IGFBP2: variants seen among roughly 807,000 people sequenced by gnomAD.
IGFBP2 encodes the protein insulin like growth factor binding protein 2, also known as insulin-like growth factor-binding protein 2.
A neutral mutation model predicts 26.2 loss-of-function variants in IGFBP2; 12 were observed. The ratio of observed to expected loss-of-function variants is 0.46; its 90% CI spans 0.29 to 0.74. IGFBP2 has a LOEUF of 0.74. Ranked by LOEUF, IGFBP2 falls within the 30% of genes least tolerant of loss-of-function variation. The pLI is 0.09. For missense variants in IGFBP2, 328 were observed against 441.2 expected (o/e 0.74, Z 2.30); for synonymous variants, 189 against 200.6 (o/e 0.94, Z 0.49).
intron 1 of IGFBP2, among the ~76,000 whole-genome samples, chr2:216,647,664 C>T (rs1020827425): frequency 7.9e-5 from 12 of 152,020 alleles, no homozygotes; most frequent in South Asian, 4.2e-4. Flanking sequence ...GGACTACAGG[C>T]GCCCACCACC....
intron 1 of IGFBP2, among the ~76,000 whole-genome samples, chr2:216,654,306 G>A (rs560554551): frequency 6.6e-6 from 1 of 152,322 alleles, no homozygotes; most frequent in East Asian, 1.9e-4. Flanking sequence ...CTAACCCCAT[G>A]TGTGCCTACT....
intron 1 of IGFBP2, chr2:216,659,841 G>T (rs1697998505): frequency 2.0e-6 from 2 of 989,710 alleles, no homozygotes; most frequent in South Asian, 1.4e-5. Context: ...ACAGACTTGG[G>T]AACGAGGGAA....
intron 1 of IGFBP2, among the ~76,000 whole-genome samples, chr2:216,655,496 C>T (rs943276737): frequency 3.3e-5 from 5 of 152,282 alleles, no homozygotes; most frequent in East Asian, 1.9e-4. Context: ...GCTTCTACCA[C>T]GATTGTGAGT....
chr2:216,647,135 G>A (rs966776381), intron 1 of IGFBP2, among the ~76,000 whole-genome samples: 1 of 152,170 alleles, frequency 6.6e-6, no homozygotes, highest in African/African-American at 2.4e-5. Flanking sequence ...CTCTTGGGAA[G>A]AGCTTGATGT....
At chr2:216,634,037 C>T in intron 1 of IGFBP2, 72 bp downstream of exon 1, 1 of 1,496,586 alleles carries the variant, frequency 6.7e-7, no homozygotes, top group Non-Finnish European at 8.9e-7. Context: ...GCGGCTGGAC[C>T]TTACGGACGG....
rs2106206814 is a variant in IGFBP2 at position 216,660,645 on chromosome 2, C to T, written c.531C>T (p.Gly177=). 1 of 1,614,008 alleles carries T rather than the reference C, an allele frequency of 6.2e-7. No homozygotes were observed. The highest frequency in any genetic ancestry group is 2.2e-5 in the East Asian group (1 of 44,878). ...MNMLGGGGSA[G]RKPLKSGMKE... ...TGTTGGGCGGGGGAGGCAGTGCTGG[C>T]CGGAAGCCCCTCAAGTCGGGTATGA... The change falls in exon 2 of 4, where the codon GGC becomes GGT. Residue 177 remains glycine (G), a synonymous_variant. Transcript: ENST00000233809.
intron 1 of IGFBP2, among the ~76,000 whole-genome samples, chr2:216,639,168 G>A (rs968961237): frequency 1.3e-5 from 2 of 151,978 alleles, no homozygotes; most frequent in African/African-American, 4.8e-5. Context: ...GAGTAGTTGG[G>A]AATTCACGCA....
intron 1 of IGFBP2, among the ~76,000 whole-genome samples, chr2:216,642,764 C>T (rs927618551): frequency 6.6e-6 from 1 of 152,174 alleles, no homozygotes; most frequent in African/African-American, 2.4e-5. Flanking sequence ...AGAGCTTGGA[C>T]ATCTGGGTTC....
chr2:216,639,158 G>A (rs775637123), intron 1 of IGFBP2, among the ~76,000 whole-genome samples: 6 of 151,880 alleles, frequency 4.0e-5, no homozygotes, highest in Admixed American at 1.3e-4. Flanking sequence ...TCAGCCTCCC[G>A]AGTAGTTGGG....
intron 1 of IGFBP2, among the ~76,000 whole-genome samples, chr2:216,659,940 G>A (rs1698001026): frequency 6.6e-6 from 1 of 152,138 alleles, no homozygotes; most frequent in South Asian, 2.1e-4. Context: ...TGACAGCAGG[G>A]GGATGCTGGG....
Position 216,633,579 on chromosome 2 carries a change from C to CGCTGCT in IGFBP2, c.66_71dup (p.Leu24_Leu25dup), listed in dbSNP as rs1697429326. 3.0e-6 allele frequency: 3 copies of CGCTGCT among 1,016,278 alleles called. No individual in the cohort carries two copies. The African/African-American group carries it at 5.2e-5, about 18-fold the overall frequency. 63.0% of individuals were successfully genotyped at this position (1,016,278 alleles called of 1,614,324 possible). ...CCGCTGCCGCCGCCGCCGCTGCTGC[C>CGCTGCT]GCTGCTGCTGCTGCTACTGGGCGCG... On this transcript the variant is annotated inframe_insertion, in exon 1 of 4. Coordinates refer to ENST00000233809, the MANE Select transcript of IGFBP2 (RefSeq NM_000597.3).
chr2:216,651,027 A>G (rs1697811549), intron 1 of IGFBP2, among the ~76,000 whole-genome samples: 1 of 152,122 alleles, frequency 6.6e-6, no homozygotes, highest in Admixed American at 6.6e-5. Context: ...GCCAGCCTAT[A>G]CCGCGACAGA....
intron 2 of IGFBP2, 134 bp from the exon 3 acceptor site, chr2:216,661,724 T>G (rs1242929272): frequency 9.8e-7 from 1 of 1,017,914 alleles, no homozygotes; most frequent in South Asian, 1.4e-5. Context: ...GAAGTCCCTG[T>G]GCCCCCTGCT....
intron 1 of IGFBP2, among the ~76,000 whole-genome samples, chr2:216,658,925 G>C (rs1697974299): frequency 6.6e-6 from 1 of 152,218 alleles, no homozygotes; most frequent in Non-Finnish European, 1.5e-5. Flanking sequence ...TTATTATCCA[G>C]CAACTTACAG....
chr2:216,659,887 G>A, intron 1 of IGFBP2: 1 of 738,808 alleles, frequency 1.4e-6, no homozygotes, highest in Non-Finnish European at 2.4e-6. Flanking sequence ...CCTCGGAGCA[G>A]CACTATGGGA....
intron 1 of IGFBP2, among the ~76,000 whole-genome samples, chr2:216,645,780 C>T (rs1697700420): frequency 6.6e-6 from 1 of 152,154 alleles, no homozygotes; most frequent in Non-Finnish European, 1.5e-5. Flanking sequence ...GGAAAGCCTC[C>T]AGTGAGTCCA....
intron 1 of IGFBP2, among the ~76,000 whole-genome samples, chr2:216,638,799 A>G (rs1697554378): frequency 1.3e-5 from 2 of 150,798 alleles, no homozygotes; most frequent in Non-Finnish European, 1.5e-5. Flanking sequence ...TCCTGGGTTC[A>G]CGCCATTCTC....
At chr2:216,663,688 G>C (rs1338658694) in intron 3 of IGFBP2, 16 of 407,564 alleles carry the variant, frequency 3.9e-5, no homozygotes, top group Non-Finnish European at 6.2e-5. Context: ...TAATCAGAGG[G>C]GTCCCTGGGC....
intron 1 of IGFBP2, among the ~76,000 whole-genome samples, chr2:216,657,371 GT>G (rs1250150406): frequency 6.6e-6 from 1 of 152,194 alleles, no homozygotes; most frequent in Non-Finnish European, 1.5e-5. Flanking sequence ...GATCTCTTCT[GT>G]TTGTTGTCCA....
Sources: allele counts gnomAD v4.1 joint callset (sites outside exome capture counted in the v4.1 genomes callset), GRCh38; gene constraint gnomAD v4.1.1; transcripts MANE v1.5; gene names NCBI Gene and HGNC (gene_info 2026-07-23, HGNC 2026-07-21).